TTC28: variants seen among roughly 807,000 people sequenced by gnomAD.
TTC28 encodes the protein tetratricopeptide repeat protein 28.
Under a neutral mutation model 198.0 loss-of-function variants are expected in TTC28, and 61 were observed. The observed-to-expected ratio is 0.31, with a 90% CI of 0.25 to 0.38. The LOEUF (loss-of-function observed/expected upper bound fraction) is 0.38. TTC28 is among the 10% of genes least tolerant of loss of function. The probability of loss-of-function intolerance (pLI) is 1.00; values close to 1 mark genes in which losing one functional copy is unlikely to be tolerated. For missense variants in TTC28, 2,678 were observed against 3,164.0 expected, an observed-to-expected ratio of 0.85 and a Z score of 3.69; for synonymous variants, 1,171 against 1,297.8, an observed-to-expected ratio of 0.90 and a Z score of 2.10.
At chr22:28,001,275 C>G in intron 15 of TTC28, 99 bp downstream of exon 15, 1 of 1,399,682 alleles carries the variant, frequency 7.1e-7, no homozygotes, top group Non-Finnish European at 9.6e-7. Context: ...GAGGAGATCA[C>G]AGCTATGCCT....
chr22:28,485,637 TAA>T (rs1022564617), intron 2 of TTC28, among the ~76,000 whole-genome samples: 2 of 152,144 alleles, frequency 1.3e-5, no homozygotes, highest in African/African-American at 4.8e-5. Context: ...GAAAAAATGT[TAA>T]AAGTTATTTA....
intron 2 of TTC28, among the ~76,000 whole-genome samples, chr22:28,439,926 C>T (rs2047591582): frequency 1.3e-5 from 2 of 152,228 alleles, no homozygotes; most frequent in South Asian, 2.1e-4. Context: ...ACCTCCACCT[C>T]CCAGATTCAA....
At chr22:28,400,792 A>T (rs73168170) in intron 2 of TTC28, among the ~76,000 whole-genome samples, 2,874 of 152,328 alleles carry the variant, frequency 0.019, 39 homozygotes, top group Non-Finnish European at 0.029. Flanking sequence ...TAACAGCAAT[A>T]GTGCCAATTC....
chr22:28,231,094 A>G (rs1360634218), intron 5 of TTC28, among the ~76,000 whole-genome samples: 1 of 152,196 alleles, frequency 6.6e-6, no homozygotes, highest in East Asian at 1.9e-4. Flanking sequence ...TCTTTCAACA[A>G]TCTGTTCATG....
chr22:28,465,807 C>A (rs1490581902), intron 2 of TTC28, among the ~76,000 whole-genome samples: 2 of 152,178 alleles, frequency 1.3e-5, no homozygotes, highest in Non-Finnish European at 1.5e-5. Flanking sequence ...AAGACCTGTT[C>A]CCCTATTCTC....
At chr22:28,669,995 A>G (rs2051852813) in intron 1 of TTC28, among the ~76,000 whole-genome samples, 1 of 152,104 alleles carries the variant, frequency 6.6e-6, no homozygotes, top group African/African-American at 2.4e-5. Context: ...CACAGAATAC[A>G]ACTCTATCAG....
chr22:28,502,359 G>T (rs7286920), intron 2 of TTC28, among the ~76,000 whole-genome samples: 1 of 151,900 alleles, frequency 6.6e-6, no homozygotes, highest in Non-Finnish European at 1.5e-5. Context: ...AAAGAAAATG[G>T]GCCAGGCGCA....
At chr22:28,439,204 A>G (rs1052794662) in intron 2 of TTC28, among the ~76,000 whole-genome samples, 3 of 152,268 alleles carry the variant, frequency 2.0e-5, no homozygotes, top group African/African-American at 7.2e-5. Flanking sequence ...TGAGGAGGCA[A>G]GATATATACA....
chr22:28,198,999 T>C (rs1397882231), intron 5 of TTC28, among the ~76,000 whole-genome samples: 1 of 152,058 alleles, frequency 6.6e-6, no homozygotes, highest in Non-Finnish European at 1.5e-5. Context: ...AATAGTTCAG[T>C]CCCTGTCAGT....
intron 6 of TTC28, among the ~76,000 whole-genome samples, chr22:28,130,630 T>C (rs1227716208): frequency 6.6e-6 from 1 of 152,040 alleles, no homozygotes; most frequent in Non-Finnish European, 1.5e-5. Flanking sequence ...TGCAGAAAGA[T>C]AGCTGGCTAT....
intron 5 of TTC28, among the ~76,000 whole-genome samples, chr22:28,223,613 G>C (rs553399082): frequency 7.2e-5 from 11 of 152,164 alleles, no homozygotes; most frequent in Middle Eastern, 3.2e-3. Flanking sequence ...TTCCCAAAGA[G>C]ATTTCTCTGA....
chr22:28,345,233 C>T (rs2045887000), intron 2 of TTC28, among the ~76,000 whole-genome samples: 1 of 151,960 alleles, frequency 6.6e-6, no homozygotes, highest in Non-Finnish European at 1.5e-5. Context: ...TATTTGGAAC[C>T]ACAAAGGAAT....
chr22:28,537,296 A>ATAACATAACATAACATAAC (rs1569008965), intron 2 of TTC28, among the ~76,000 whole-genome samples: 1 of 94,642 alleles, frequency 1.1e-5, no homozygotes, highest in African/African-American at 4.0e-5. Context: ...CCGTCTCAAA[A>ATAACATAACATAACATAAC]ATAAAATAAA....
intron 2 of TTC28, among the ~76,000 whole-genome samples, chr22:28,450,596 T>G (rs923705838): frequency 6.6e-6 from 1 of 152,220 alleles, no homozygotes; most frequent in Non-Finnish European, 1.5e-5. Context: ...TCTACTAGTT[T>G]TACTACGCTA....
chr22:28,148,503 C>T (rs1280745298), intron 6 of TTC28, among the ~76,000 whole-genome samples: 4 of 151,828 alleles, frequency 2.6e-5, no homozygotes, highest in Admixed American at 2.6e-4. Context: ...GTCCCACCTA[C>T]TCGGGAGGCT....
chr22:28,124,168 T>TTTGTTG (rs71316831), intron 6 of TTC28, among the ~76,000 whole-genome samples: 11,524 of 148,114 alleles, frequency 0.078, 471 homozygotes, highest in African/African-American at 0.09. Context: ...CTTATCTCTC[T>TTTGTTG]TTGTTGTTGT....
rs531951776 is a variant in TTC28 at position 28,619,719 on chromosome 22, T to A, written c.381+9833A>T. ...TGTTGTAACATGTCTGAACAGGGTC[T>A]AGTTTGAGGCACTACGAAGAATAAA... is the stretch of plus-strand genomic sequence containing the variant. On this transcript the variant is annotated intron_variant, in intron 2 of 22. Coordinates refer to ENST00000397906, the MANE Select transcript of TTC28 (RefSeq NM_001145418.2). Among the ~76,000 whole-genome samples, 12 of 152,330 alleles carry A rather than the reference T, an allele frequency of 7.9e-5. No homozygotes were observed. The South Asian group carries it at 2.5e-3, about 32-fold the overall frequency.
intron 2 of TTC28, among the ~76,000 whole-genome samples, chr22:28,519,830 T>C (rs1308558836): frequency 6.6e-6 from 1 of 152,224 alleles, no homozygotes; most frequent in Non-Finnish European, 1.5e-5. Context: ...AGCATTGGTC[T>C]CTAGTGCATT....
intron 2 of TTC28, among the ~76,000 whole-genome samples, chr22:28,562,018 A>C (rs2049890573): frequency 1.3e-5 from 2 of 152,200 alleles, no homozygotes; most frequent in South Asian, 4.1e-4. Flanking sequence ...AGTATTTGAC[A>C]CATATGGCAT....
Sources: allele counts gnomAD v4.1 joint callset (sites outside exome capture counted in the v4.1 genomes callset), GRCh38; gene constraint gnomAD v4.1.1; transcripts MANE v1.5; gene names NCBI Gene and HGNC (gene_info 2026-07-23, HGNC 2026-07-21).